Variants in MAML2 observed in about 807,000 individuals in gnomAD.
MAML2 encodes the protein mastermind-like protein 2.
MAML2 carries 22 observed loss-of-function variants against 96.1 expected under a neutral mutation model. That is an observed-to-expected ratio of 0.23 (90% confidence interval 0.16 to 0.33). MAML2 has a LOEUF of 0.33. Ranked by LOEUF, MAML2 falls within the 10% of genes least tolerant of loss-of-function variation. The pLI, the probability that MAML2 is intolerant of heterozygous loss-of-function variation, is 1.00. For missense variants in MAML2, 1,367 were observed against 1,392.4 expected (o/e 0.98, Z 0.29); for synonymous variants, 561 against 521.3 (o/e 1.08, Z -1.04).
At chr11:96,060,180 G>A (rs752917573) in intron 2 of MAML2, among the ~76,000 whole-genome samples, 2 of 152,194 alleles carry the variant, frequency 1.3e-5, no homozygotes, top group African/African-American at 4.8e-5. Flanking sequence ...GTTGAAAATC[G>A]TTTTGTAAGG....
chr11:96,258,326 G>C (rs971222825), intron 1 of MAML2, among the ~76,000 whole-genome samples: 1 of 151,980 alleles, frequency 6.6e-6, no homozygotes, highest in East Asian at 1.9e-4. Context: ...AGAAAACTAC[G>C]ACAAAAAACA....
intron 2 of MAML2, among the ~76,000 whole-genome samples, chr11:96,035,875 G>C (rs961894395): frequency 1.3e-5 from 2 of 152,138 alleles, no homozygotes; most frequent in African/African-American, 4.8e-5. Flanking sequence ...CCATGTGACC[G>C]TGGGCAAGTT....
intron 1 of MAML2, among the ~76,000 whole-genome samples, chr11:96,186,684 C>G (rs7948701): frequency 0.028 from 4,258 of 152,258 alleles, 203 homozygotes; most frequent in African/African-American, 0.098. Flanking sequence ...ATTTTATTTT[C>G]ACAACTCCAC....
intron 1 of MAML2, among the ~76,000 whole-genome samples, chr11:96,129,161 T>C (rs1860502269): frequency 6.6e-6 from 1 of 152,178 alleles, no homozygotes; most frequent in Non-Finnish European, 1.5e-5. Flanking sequence ...ACTTAGAGAT[T>C]TGCATTATTC....
At chr11:96,039,723 G>T (rs1299851897) in intron 2 of MAML2, among the ~76,000 whole-genome samples, 1 of 152,158 alleles carries the variant, frequency 6.6e-6, no homozygotes, top group East Asian at 1.9e-4. Context: ...AAGGCAGGCG[G>T]ATCACGAGGT....
At chr11:96,316,514 T>C (rs560042270) in intron 1 of MAML2, among the ~76,000 whole-genome samples, 6 of 151,830 alleles carry the variant, frequency 4.0e-5, no homozygotes, top group Non-Finnish European at 5.9e-5. Flanking sequence ...AGGTGATGAG[T>C]TGGAGAAATA....
Position 96,093,280 on chromosome 11 carries a change from G to A in MAML2, c.751C>T (p.His251Tyr). 6.2e-7 allele frequency: 1 copy of A among 1,614,064 alleles called. No homozygotes were observed. Residue 251 changes from histidine to tyrosine, a missense_variant, in exon 2 of 5, where the codon CAT (histidine) becomes TAT (tyrosine). His to Tyr is a moderately conservative substitution (Grantham distance 83). Coordinates refer to ENST00000524717, the MANE Select transcript of MAML2 (RefSeq NM_032427.4). ...TTAAACAGGCCATTGCCAGGAGAAT[G>A]TGTATGGGATGGCAGAGTGTTAGTC... ...RKTNTLPSHT[H>Y]SPGNGLFNMG... is the part of the protein sequence containing the mutation.
intron 1 of MAML2, among the ~76,000 whole-genome samples, chr11:96,125,486 C>G (rs1196351306): frequency 6.6e-6 from 1 of 152,146 alleles, no homozygotes; most frequent in Non-Finnish European, 1.5e-5. Flanking sequence ...AAAAGAGAAT[C>G]CTGACATCTG....
intron 1 of MAML2, among the ~76,000 whole-genome samples, chr11:96,174,184 A>C (rs1861346923): frequency 6.6e-6 from 1 of 152,132 alleles, no homozygotes; most frequent in Non-Finnish European, 1.5e-5. Context: ...TTCCTGGCTC[A>C]GCCAGTTGTC....
At chr11:96,076,268 A>G (rs763144142) in intron 2 of MAML2, among the ~76,000 whole-genome samples, 3 of 152,190 alleles carry the variant, frequency 2.0e-5, no homozygotes, top group Non-Finnish European at 4.4e-5. Flanking sequence ...CCAGCCTTGG[A>G]GAGAAACACC....
chr11:96,068,438 TCACACACA>T lies in MAML2; in HGVS notation c.2139+23446_2139+23453del, dbSNP rs10522513. Among the ~76,000 whole-genome samples the T allele has an allele frequency of 7.4e-3, 894 of 120,348 alleles. 13 individuals are homozygous for T. Among genetic ancestry groups the T allele is most frequent in the African/African-American group, 0.024 (805 of 33,422 alleles). The allele number at this position is 120,348 out of a possible 152,430, so 79.0% of individuals were successfully genotyped here. A position where few individuals can be genotyped will look rare whatever the true frequency, so the allele number is the denominator to read the frequency against. ...GTAGAATTTCCTGGGGGAGCTTACT[TCACACACA>T]CACACACACACACACACACACACAC... On this transcript the variant is annotated intron_variant, in intron 2 of 4. Transcript: ENST00000524717.
intron 1 of MAML2, among the ~76,000 whole-genome samples, chr11:96,273,668 G>A (rs1862944993): frequency 6.6e-6 from 1 of 152,098 alleles, no homozygotes; most frequent in African/African-American, 2.4e-5. Context: ...TGTGACTTAG[G>A]GCAAGCTATT....
chr11:96,081,856 T>C (rs1859533845), intron 2 of MAML2, among the ~76,000 whole-genome samples: 1 of 152,236 alleles, frequency 6.6e-6, no homozygotes. Context: ...CAGAGTCACA[T>C]GGACATGAAG....
At chr11:96,311,208 G>A (rs929385254) in intron 1 of MAML2, among the ~76,000 whole-genome samples, 2 of 152,278 alleles carry the variant, frequency 1.3e-5, no homozygotes, top group Admixed American at 6.5e-5. Context: ...GTTTACATTG[G>A]CTAGGAGTTT....
intron 1 of MAML2, among the ~76,000 whole-genome samples, chr11:96,242,263 T>C (rs1862447371): frequency 6.6e-6 from 1 of 152,232 alleles, no homozygotes; most frequent in Non-Finnish European, 1.5e-5. Flanking sequence ...GTTTTGAGTA[T>C]TCCTGAAACT....
At chr11:96,266,857 C>A (rs550708921) in intron 1 of MAML2, among the ~76,000 whole-genome samples, 1 of 152,220 alleles carries the variant, frequency 6.6e-6, no homozygotes, top group South Asian at 2.1e-4. Context: ...TAATAATGAG[C>A]CCCTTCTGTG....
intron 1 of MAML2, among the ~76,000 whole-genome samples, chr11:96,157,384 T>C (rs909217979): frequency 6.6e-6 from 1 of 152,274 alleles, no homozygotes; most frequent in Admixed American, 6.5e-5. Context: ...TTTATCATCC[T>C]GTGTCTCACC....
At chr11:96,184,675 C>T (rs1304300943) in intron 1 of MAML2, among the ~76,000 whole-genome samples, 2 of 150,802 alleles carry the variant, frequency 1.3e-5, no homozygotes, top group East Asian at 2.0e-4. Flanking sequence ...CTGCTAGCTC[C>T]GCCTCCCAGG....
In MAML2 at chr11:96,299,060, A is replaced by AATAT. The variant is rs1555037073; in HGVS notation, c.513+42319_513+42322dup. 7.1e-3 allele frequency among the ~76,000 whole-genome samples: 402 copies of AATAT among 56,314 alleles called. 11 individuals are homozygous for AATAT. The highest frequency in any genetic ancestry group is 0.031 in the African/African-American group (345 of 11,174). The allele number at this position is 56,314 out of a possible 152,430, so 36.9% of individuals were successfully genotyped here. A position where few individuals can be genotyped will look rare whatever the true frequency, so the allele number is the denominator to read the frequency against. On this transcript the variant is annotated intron_variant, in intron 1 of 4. Coordinates refer to ENST00000524717, the MANE Select transcript of MAML2 (RefSeq NM_032427.4). ...AGTCCATCTCAAAAAAAAAAAAAAAAATATATATATATATATATATAAAAT... is the reference window on the plus strand; with the variant it reads ...AGTCCATCTCAAAAAAAAAAAAAAAAATATATATATATATATATATATATAAAAT...
Sources: gnomAD v4.1 joint callset for allele counts (sites outside exome capture counted in the v4.1 genomes callset) on GRCh38, gnomAD v4.1.1 for gene constraint, MANE v1.5 for transcripts, NCBI Gene and HGNC (gene_info 2026-07-23, HGNC 2026-07-21) for gene names.